Variants in CCDC60 observed in about 807,000 individuals in gnomAD.
The protein encoded by CCDC60 is coiled-coil domain-containing protein 60.
CCDC60 carries 54 observed loss-of-function variants against 63.5 expected under a neutral mutation model. The ratio of observed to expected loss-of-function variants is 0.85; its 90% CI spans 0.68 to 1.07. The LOEUF is 1.07. CCDC60 is among the 50% of genes least tolerant of loss of function. The pLI, the probability that CCDC60 is intolerant of heterozygous loss-of-function variation, is 0.00. For synonymous variants in CCDC60, 206 were observed against 238.8 expected (o/e 0.86, Z 1.27); for missense variants, 651 against 684.3 (o/e 0.95, Z 0.54).
intron 3 of CCDC60, among the ~76,000 whole-genome samples, chr12:119,473,692 G>A (rs779730609): frequency 6.6e-6 from 1 of 152,074 alleles, no homozygotes; most frequent in Non-Finnish European, 1.5e-5. Flanking sequence ...ACTTATGAAT[G>A]AGAATATACG....
intron 2 of CCDC60, among the ~76,000 whole-genome samples, chr12:119,446,269 T>C (rs1290285511): frequency 6.6e-6 from 1 of 152,144 alleles, no homozygotes; most frequent in East Asian, 1.9e-4. Flanking sequence ...CAGCTCAAAA[T>C]GCACATTAAC....
At chr12:119,521,649 G>A (rs1453303601) in intron 9 of CCDC60, among the ~76,000 whole-genome samples, 1 of 152,132 alleles carries the variant, frequency 6.6e-6, no homozygotes, top group Non-Finnish European at 1.5e-5. Context: ...GGGCCAGGTG[G>A]GGGGCACAGA....
chr12:119,465,292 T>C (rs1430869787), intron 2 of CCDC60, among the ~76,000 whole-genome samples: 1 of 151,898 alleles, frequency 6.6e-6, no homozygotes, highest in African/African-American at 2.4e-5. Flanking sequence ...CCAGCCTGGG[T>C]GACAGAGTGA....
At chr12:119,403,651 C>T (rs147902819) in intron 1 of CCDC60, among the ~76,000 whole-genome samples, 232 of 152,138 alleles carry the variant, frequency 1.5e-3, no homozygotes, top group Middle Eastern at 0.01. Context: ...GCTGCTGTCA[C>T]GATCATGACT....
chr12:119,480,920 T>C (rs1383796728), intron 4 of CCDC60, among the ~76,000 whole-genome samples: 1 of 142,232 alleles, frequency 7.0e-6, no homozygotes, highest in Non-Finnish European at 1.5e-5. Context: ...ACCATCACCA[T>C]CATCATCACC....
chr12:119,518,487 C>T (rs914606302), intron 8 of CCDC60, among the ~76,000 whole-genome samples: 1 of 152,156 alleles, frequency 6.6e-6, no homozygotes, highest in African/African-American at 2.4e-5. Flanking sequence ...GTTGCTTCAC[C>T]TCTCTGAGTC....
chr12:119,496,428 A>G (rs1951716850), intron 5 of CCDC60, among the ~76,000 whole-genome samples: 1 of 152,182 alleles, frequency 6.6e-6, no homozygotes, highest in Non-Finnish European at 1.5e-5. Context: ...GGCAAATAGG[A>G]TCCCCTAGGA....
At chr12:119,479,995 T>TGC in intron 4 of CCDC60, among the ~76,000 whole-genome samples, 1 of 122,076 alleles carries the variant, frequency 8.2e-6, no homozygotes, top group East Asian at 2.5e-4. Flanking sequence ...CCGTACATCA[T>TGC]ACACACACAC....
chr12:119,440,022 TG>T (rs1290747590), intron 2 of CCDC60, among the ~76,000 whole-genome samples: 1 of 130,352 alleles, frequency 7.7e-6, no homozygotes, highest in African/African-American at 3.0e-5. Context: ...TGAGAACACA[TG>T]GACACAGGGA....
intron 1 of CCDC60, among the ~76,000 whole-genome samples, chr12:119,357,356 A>G (rs1216592578): frequency 1.3e-5 from 2 of 152,100 alleles, no homozygotes; most frequent in Non-Finnish European, 2.9e-5. Flanking sequence ...CCATCTAACT[A>G]TATGTTTATA....
intron 7 of CCDC60, among the ~76,000 whole-genome samples, chr12:119,514,711 A>C (rs1015183295): frequency 5.9e-5 from 9 of 152,078 alleles, no homozygotes; most frequent in Non-Finnish European, 1.2e-4. Flanking sequence ...AGAAAGAAAA[A>C]TATTTTTAGT....
At chr12:119,523,048 T>G (rs905083162) in intron 10 of CCDC60, 47 bp downstream of exon 10, 2 of 1,502,748 alleles carry the variant, frequency 1.3e-6, no homozygotes, top group Admixed American at 1.7e-5. Flanking sequence ...GGGAATATGG[T>G]GACCACACCC....
At chr12:119,502,177 G>A (rs1951870362) in intron 6 of CCDC60, among the ~76,000 whole-genome samples, 1 of 152,214 alleles carries the variant, frequency 6.6e-6, no homozygotes, top group Admixed American at 6.5e-5. Flanking sequence ...CTAAAGGGAA[G>A]AACCTCTGTG....
At chr12:119,393,638 G>C (rs915721491) in intron 1 of CCDC60, among the ~76,000 whole-genome samples, 1 of 152,230 alleles carries the variant, frequency 6.6e-6, no homozygotes, top group African/African-American at 2.4e-5. Flanking sequence ...CGCCCTTGGA[G>C]AGCAAGACAC....
chr12:119,475,043 G>C (rs750765202), intron 3 of CCDC60, among the ~76,000 whole-genome samples: 58 of 152,128 alleles, frequency 3.8e-4, no homozygotes, highest in Non-Finnish European at 6.6e-4. Context: ...ATGGCTGTTG[G>C]GATCCCAGAA....
chr12:119,507,481 T>C (rs1593188527), intron 7 of CCDC60, among the ~76,000 whole-genome samples: 1 of 145,276 alleles, frequency 6.9e-6, no homozygotes, highest in South Asian at 2.1e-4. Context: ...TATATACATA[T>C]ATACACATAT....
chr12:119,478,492 G>A (rs1007525395), intron 3 of CCDC60, among the ~76,000 whole-genome samples: 1 of 151,788 alleles, frequency 6.6e-6, no homozygotes, highest in Non-Finnish European at 1.5e-5. Context: ...ACCTTGTCTG[G>A]CCCTTGAAGC....
At chr12:119,496,891 A>G (rs777467742) in intron 5 of CCDC60, among the ~76,000 whole-genome samples, 1 of 152,180 alleles carries the variant, frequency 6.6e-6, no homozygotes, top group Non-Finnish European at 1.5e-5. Flanking sequence ...AGTAAATCAC[A>G]AGGATATTAA....
intron 3 of CCDC60, among the ~76,000 whole-genome samples, chr12:119,475,656 G>A (rs747195424): frequency 1.6e-4 from 24 of 152,234 alleles, no homozygotes; most frequent in Admixed American, 6.5e-4. Flanking sequence ...ACAAGCCTTG[G>A]AACCCGTTAG....
Sources: allele counts gnomAD v4.1 joint callset (sites outside exome capture counted in the v4.1 genomes callset), GRCh38; gene constraint gnomAD v4.1.1; transcripts MANE v1.5; gene names NCBI Gene and HGNC (gene_info 2026-07-23, HGNC 2026-07-21).